Variants in SYN2 observed in about 807,000 individuals in gnomAD.
SYN2 encodes the protein synapsin II.
Under a neutral mutation model 50.9 loss-of-function variants are expected in SYN2, and 19 were observed. The ratio of observed to expected loss-of-function variants is 0.37; its 90% CI spans 0.26 to 0.55. The LOEUF is 0.55. Among genes scored for constraint, SYN2 ranks in the 20% least tolerant of loss-of-function variants. The pLI, the probability that SYN2 is intolerant of heterozygous loss-of-function variation, is 0.81. For synonymous variants in SYN2, 255 were observed against 224.9 expected (o/e 1.13, Z -1.20); for missense variants, 587 against 576.4 (o/e 1.02, Z -0.19).
At chr3:12,175,360 G>A (rs998161010) in intron 10 of SYN2, among the ~76,000 whole-genome samples, 2 of 152,194 alleles carry the variant, frequency 1.3e-5, no homozygotes, top group Non-Finnish European at 2.9e-5. Flanking sequence ...GATGTGAACC[G>A]AGGAACATTA....
At chr3:12,170,041 C>A in intron 10 of SYN2, 135 bp downstream of exon 10, 1 of 1,139,900 alleles carries the variant, frequency 8.8e-7, no homozygotes, top group Non-Finnish European at 1.2e-6. Flanking sequence ...ACATCTCCCT[C>A]TTCCTTCCCT....
At chr3:12,137,903 AGATT>A (rs895967124) in intron 1 of SYN2, among the ~76,000 whole-genome samples, 2 of 152,182 alleles carry the variant, frequency 1.3e-5, no homozygotes, top group Non-Finnish European at 2.9e-5. Context: ...TTTTAAAGAT[AGATT>A]GATTGATTGG....
intron 1 of SYN2, among the ~76,000 whole-genome samples, chr3:12,100,804 G>T (rs540398905): frequency 6.6e-6 from 1 of 151,808 alleles, no homozygotes; most frequent in African/African-American, 2.4e-5. Context: ...AAATGACATG[G>T]GATTTAAATA....
At chr3:12,151,925 A>T (rs1697308372) in intron 5 of SYN2, among the ~76,000 whole-genome samples, 1 of 152,150 alleles carries the variant, frequency 6.6e-6, no homozygotes, top group Non-Finnish European at 1.5e-5. Flanking sequence ...GAGCAGAGAG[A>T]TGGGACGGTT....
intron 11 of SYN2, chr3:12,184,359 TC>T: frequency 2.0e-6 from 2 of 985,890 alleles, no homozygotes; most frequent in Non-Finnish European, 2.4e-6. Flanking sequence ...TGCTTTCTGT[TC>T]CCAAAGCTTG....
intron 1 of SYN2, among the ~76,000 whole-genome samples, chr3:12,008,420 G>GA (rs1022069338): frequency 2.6e-5 from 4 of 151,930 alleles, no homozygotes; most frequent in Admixed American, 6.6e-5. Flanking sequence ...AAATACTTTT[G>GA]AAAAAAAATT....
intron 1 of SYN2, among the ~76,000 whole-genome samples, chr3:12,130,625 T>G (rs1696776719): frequency 6.6e-6 from 1 of 152,206 alleles, no homozygotes; most frequent in South Asian, 2.1e-4. Flanking sequence ...AGAAATAATG[T>G]TTAAACAAAT....
chr3:12,070,924 G>A (rs553595819), intron 1 of SYN2: 27 of 555,524 alleles, frequency 4.9e-5, no homozygotes, highest in South Asian at 3.6e-4. Context: ...GATGGCCACC[G>A]CCGCATCCTC....
At chr3:12,044,181 T>A (rs368842620) in intron 1 of SYN2, among the ~76,000 whole-genome samples, 3,343 of 53,306 alleles carry the variant, frequency 0.063, 48 homozygotes, top group Middle Eastern at 0.21. Context: ...TCTCTCTCTC[T>A]CACACACACA....
chr3:12,158,769 CG>C, intron 5 of SYN2: 3 of 1,605,842 alleles, frequency 1.9e-6, no homozygotes, highest in Non-Finnish European at 1.7e-6. Flanking sequence ...CACCCAGCCC[CG>C]GGGGCCGCAG....
intron 1 of SYN2, among the ~76,000 whole-genome samples, chr3:12,058,229 G>A (rs1036512553): frequency 6.6e-6 from 1 of 152,074 alleles, no homozygotes; most frequent in Non-Finnish European, 1.5e-5. Flanking sequence ...TAACAGTTTA[G>A]CATAAATATG....
chr3:12,092,430 A>G (rs973634200), intron 1 of SYN2, among the ~76,000 whole-genome samples: 4 of 152,170 alleles, frequency 2.6e-5, no homozygotes, highest in African/African-American at 7.2e-5. Flanking sequence ...TGTGAGAGAA[A>G]GGCTTGTATA....
In SYN2 at chr3:12,036,424, A is replaced by T. The variant is rs868240309; in HGVS notation, c.377+31496A>T. Among the ~76,000 whole-genome samples, 4 of 152,296 alleles carry T rather than the reference A, an allele frequency of 2.6e-5. No homozygotes were observed. The South Asian group carries it at 8.3e-4, about 32-fold the overall frequency. On this transcript the variant is annotated intron_variant, in intron 1 of 12. Transcript: ENST00000621198. Reference sequence around the variant, plus strand: ...TATTAGCAGAGTCAGCACCCTGTGGATACCACCAAGGTTTACCATTTATGC... The same window carrying T: ...TATTAGCAGAGTCAGCACCCTGTGGTTACCACCAAGGTTTACCATTTATGC...
In SYN2 at chr3:12,016,786, G is replaced by A. The variant is rs145324121; in HGVS notation, c.377+11858G>A. On this transcript the variant is annotated intron_variant, in intron 1 of 12. Coordinates refer to ENST00000621198, the MANE Select transcript of SYN2 (RefSeq NM_133625.6). The stretch of plus-strand genomic sequence containing the variant: ...CAGGAGAATTGCTTGAACTTGGAAG[G>A]TGGTGGTTGCTGTGAGCTGAGATCG... Among the ~76,000 whole-genome samples, 58 of 152,242 alleles carry A rather than the reference G, an allele frequency of 3.8e-4. 1 individual carries two copies. The South Asian group carries it at 0.011, about 29-fold the overall frequency.
rs758201954 is a variant in SYN2 at position 12,004,861 on chromosome 3, G to A, written c.310G>A (p.Ala104Thr). Reference protein sequence around the residue: ...AASAGLVDAPAPAPAAARKAK... With the variant: ...AASAGLVDAPTPAPAAARKAK... Reference sequence around the variant, plus strand: ...CTCGGCTGGCCTGGTGGACGCGCCCGCTCCCGCGCCCGCAGCCGCCAGGAA... The same window carrying A: ...CTCGGCTGGCCTGGTGGACGCGCCCACTCCCGCGCCCGCAGCCGCCAGGAA... The change falls in exon 1 of 13, where the codon GCT becomes ACT. Residue 104 changes from alanine (A) to threonine (T), a missense_variant. Coordinates refer to ENST00000621198, the MANE Select transcript of SYN2 (RefSeq NM_133625.6). 2 of 560,710 alleles carry A rather than the reference G, an allele frequency of 3.6e-6. No homozygotes were observed. Among genetic ancestry groups the A allele is most frequent in the Non-Finnish European group, 6.4e-6 (2 of 314,618 alleles). 34.7% of individuals were successfully genotyped at this position (560,710 alleles called of 1,614,324 possible).
At chr3:12,140,553 G>T in intron 1 of SYN2, 98 bp from the exon 2 acceptor site, 1 of 713,926 alleles carries the variant, frequency 1.4e-6, no homozygotes. Context: ...CCTCATTCTG[G>T]AGATCTGTCT....
In SYN2 at chr3:12,050,896, C is replaced by T. The variant is rs372028396; in HGVS notation, c.377+45968C>T. Among the ~76,000 whole-genome samples the T allele has an allele frequency of 7.6e-4, 115 of 150,894 alleles. 1 individual carries two copies. In the South Asian group the frequency reaches 0.022, roughly 29 times the overall value. Reference sequence around the variant, plus strand: ...GACTACAGGCGCCCGCCACCGCGCCCGGCTACTTTTTTGTATTTTTAGTAG... The same window carrying T: ...GACTACAGGCGCCCGCCACCGCGCCTGGCTACTTTTTTGTATTTTTAGTAG... On this transcript the variant is annotated intron_variant, in intron 1 of 12. Coordinates refer to ENST00000621198, the MANE Select transcript of SYN2 (RefSeq NM_133625.6).
chr3:12,094,507 G>T (rs1194223137), intron 1 of SYN2, among the ~76,000 whole-genome samples: 5 of 152,218 alleles, frequency 3.3e-5, no homozygotes, highest in African/African-American at 1.2e-4. Flanking sequence ...AGGCAGTGTG[G>T]ATTCAGGCAT....
rs753214889 is a variant in SYN2, at chr3:12,169,832, A to G, written c.1234A>G (p.Ser412Gly). ...DRQLITELVI[S>G]KMNQLLSRTP... ...GCAACTCATCACCGAACTAGTCATC[A>G]GCAAGATGAACCAGCTGCTGTCCAG... Residue 412 changes from serine (S) to glycine (G), a missense_variant, in exon 10 of 13, where the codon AGC (serine) becomes GGC (glycine). Coordinates refer to ENST00000621198, the MANE Select transcript of SYN2 (RefSeq NM_133625.6). 3 of 1,613,936 alleles carry G rather than the reference A, an allele frequency of 1.9e-6. No individual in the cohort carries two copies. The highest frequency in any genetic ancestry group is 1.7e-6 in the Non-Finnish European group (2 of 1,179,838).
Sources: allele counts gnomAD v4.1 joint callset (sites outside exome capture counted in the v4.1 genomes callset), GRCh38; gene constraint gnomAD v4.1.1; transcripts MANE v1.5; gene names NCBI Gene and HGNC (gene_info 2026-07-23, HGNC 2026-07-21).